Variants in LINC00237 observed in about 807,000 individuals in gnomAD.
LINC00237 encodes the protein long intergenic non-protein coding RNA 237.
At chr20:21,085,702 A>T (rs1476404947) in exon 4 of LINC00237, among the ~76,000 whole-genome samples, 1 of 152,160 alleles carries the variant, frequency 6.6e-6, no homozygotes, top group African/African-American at 2.4e-5. Context: ...GGCTTCTGTG[A>T]TGCTGCTGAT....
intron 2 of LINC00237, chr20:21,093,149 A>G (rs1183252035): frequency 6.6e-6 from 1 of 152,264 alleles, no homozygotes; most frequent in Non-Finnish European, 1.5e-5. Flanking sequence ...GAATGCAGAA[A>G]GAGTCGCTAG....
Position 21,097,328 on chromosome 20 carries a change from T to A in LINC00237, n.89-3476A>T, listed in dbSNP as rs980007012. ...TACATGCTAACCTGAATTTTTCAAATTCACTTTTTGACTGGATTTGGGGTT... is the reference window on the plus strand; with the variant it reads ...TACATGCTAACCTGAATTTTTCAAAATCACTTTTTGACTGGATTTGGGGTT... On this transcript the variant is annotated intron_variant and non_coding_transcript_variant, in intron 1 of 3. Coordinates refer to ENST00000691244, the Ensembl canonical transcript of LINC00237. Among the ~76,000 whole-genome samples, 39 of 152,246 alleles carry A rather than the reference T, an allele frequency of 2.6e-4. 1 individual carries two copies. The highest frequency in any genetic ancestry group is 7.2e-4 in the Admixed American group (11 of 15,294).
At chr20:21,086,896 T>C (rs567746859) in intron 3 of LINC00237, among the ~76,000 whole-genome samples, 2 of 136,082 alleles carry the variant, frequency 1.5e-5, no homozygotes, top group South Asian at 2.2e-4. Context: ...ATATGTACTA[T>C]ATATAGTACA....
chr20:21,100,104 T>A (rs2030909884), intron 1 of LINC00237, among the ~76,000 whole-genome samples: 1 of 152,242 alleles, frequency 6.6e-6, no homozygotes, highest in Non-Finnish European at 1.5e-5. Context: ...TTTTTTCTTT[T>A]TTAAGAACTC....
chr20:21,095,997 T>G (rs1229433739), intron 1 of LINC00237, among the ~76,000 whole-genome samples: 2 of 152,206 alleles, frequency 1.3e-5, no homozygotes, highest in Non-Finnish European at 2.9e-5. Flanking sequence ...CCCACAATGG[T>G]AACCTGCTTT....
At chr20:21,094,196 A>G (rs575744835) in intron 1 of LINC00237, among the ~76,000 whole-genome samples, 1 of 152,352 alleles carries the variant, frequency 6.6e-6, no homozygotes, top group African/African-American at 2.4e-5. Flanking sequence ...GAAATCTACT[A>G]GAAATGAGTT....
At chr20:21,099,890 A>T (rs912030027) in intron 1 of LINC00237, among the ~76,000 whole-genome samples, 31 of 152,160 alleles carry the variant, frequency 2.0e-4, no homozygotes, top group Admixed American at 5.2e-4. Flanking sequence ...TATTAACCGC[A>T]CAGATGTTGT....
intron 3 of LINC00237, chr20:21,087,775 T>C (rs2030734127): frequency 6.6e-6 from 1 of 152,218 alleles, no homozygotes. Context: ...GTGAACTATT[T>C]CATTTTATCT....
At position 21,101,895 on chromosome 20, in the gene LINC00237, G is replaced by T. The variant is rs900561427; in HGVS notation, n.88+4376C>A. Among the ~76,000 whole-genome samples the T allele has an allele frequency of 7.2e-5, 11 of 152,196 alleles. No individual in the cohort carries two copies. The highest frequency in any genetic ancestry group is 2.4e-4 in the African/African-American group (10 of 41,462). On this transcript the variant is annotated intron_variant and non_coding_transcript_variant, in intron 1 of 3. Coordinates refer to ENST00000691244, the Ensembl canonical transcript of LINC00237. This position sits in a 1 kb window ranked among gnomAD's most constrained non-coding sequence, Gnocchi z 4.3. ...GGGGTGGTTGGGGGCGGAGTGCGGC[G>T]AGGGGTGAGGGCGCGACCGCCTTGG...
intron 1 of LINC00237, among the ~76,000 whole-genome samples, chr20:21,098,852 T>C (rs2030892669): frequency 6.6e-6 from 1 of 152,248 alleles, no homozygotes; most frequent in Non-Finnish European, 1.5e-5. Context: ...AGAGCTGCAA[T>C]GTGCAGGTTG....
At chr20:21,102,843 G>A (rs1215399845) in intron 1 of LINC00237, among the ~76,000 whole-genome samples, 1 of 152,186 alleles carries the variant, frequency 6.6e-6, no homozygotes, top group African/African-American at 2.4e-5. Context: ...TGAAATGTCT[G>A]TGGTGATGGG....
intron 3 of LINC00237, among the ~76,000 whole-genome samples, chr20:21,087,436 C>G (rs573498084): frequency 1.3e-5 from 2 of 151,996 alleles, no homozygotes; most frequent in African/African-American, 4.8e-5. Context: ...AGACAGGTCT[C>G]TATAAATTTG....
chr20:21,089,121 C>A (rs767553990), intron 2 of LINC00237, among the ~76,000 whole-genome samples: 1 of 150,896 alleles, frequency 6.6e-6, no homozygotes, highest in Non-Finnish European at 1.5e-5. Flanking sequence ...TAAGATTTAA[C>A]CTTTTTCTCA....
chr20:21,092,074 C>G (rs907557370), intron 2 of LINC00237, among the ~76,000 whole-genome samples: 2 of 152,192 alleles, frequency 1.3e-5, no homozygotes, highest in Non-Finnish European at 2.9e-5. Flanking sequence ...AAGACCCCCT[C>G]GTCAGGGTGC....
chr20:21,092,104 C>A lies in LINC00237; in HGVS notation n.472+1365G>T, dbSNP rs541886586. ...GGGTGCTTCAACTCAATTAAAGAGT[C>A]CATCAGGAGATGTTTACTCCACCCA... On this transcript the variant is annotated intron_variant and non_coding_transcript_variant, in intron 2 of 3. Transcript: ENST00000691244. Among the ~76,000 whole-genome samples the A allele has an allele frequency of 2.0e-5, 3 of 152,308 alleles. 1 individual carries two copies. The South Asian group carries it at 6.2e-4, about 32-fold the overall frequency.
chr20:21,102,810 AC>A lies in LINC00237; in HGVS notation n.88+3460del, dbSNP rs766717688. Among the ~76,000 whole-genome samples the A allele has an allele frequency of 4.6e-5, 7 of 152,220 alleles. No individual in the cohort carries two copies. In the East Asian group the frequency reaches 1.2e-3, roughly 25 times the overall value. ...AATTAACAAACCGCAGCTCTGGCAG[AC>A]TTCAAAAGGCTTGATTCTTTTTGAA... On this transcript the variant is annotated intron_variant and non_coding_transcript_variant, in intron 1 of 3. Coordinates refer to ENST00000691244, the Ensembl canonical transcript of LINC00237.
intron 3 of LINC00237, among the ~76,000 whole-genome samples, chr20:21,086,021 T>C (rs56089454): frequency 0.13 from 20,470 of 152,130 alleles, 1,529 homozygotes; most frequent in East Asian, 0.31. Context: ...ACGCAGTGCA[T>C]TTGCATCAGA....
At chr20:21,105,929 C>T (rs1294796652) in intron 1 of LINC00237, among the ~76,000 whole-genome samples, 1 of 152,188 alleles carries the variant, frequency 6.6e-6, no homozygotes, top group Non-Finnish European at 1.5e-5. Flanking sequence ...TCGGCCCGGC[C>T]TGCGGGGAAA....
chr20:21,105,746 C>A (rs961819553), intron 1 of LINC00237, among the ~76,000 whole-genome samples: 1 of 152,230 alleles, frequency 6.6e-6, no homozygotes, highest in South Asian at 2.1e-4. Flanking sequence ...GGAGACTCTG[C>A]GCCTAGAGTT....
Sources: gnomAD v4.1 joint callset for allele counts (sites outside exome capture counted in the v4.1 genomes callset) on GRCh38, gnomAD v4.1.1 for gene constraint, Gnocchi (gnomAD v3.1) non-coding constraint, MANE v1.5 for transcripts, NCBI Gene and HGNC (gene_info 2026-07-23, HGNC 2026-07-21) for gene names.